PID1: variants seen among roughly 807,000 people sequenced by gnomAD.
The protein encoded by PID1 is PTB-containing, cubilin and LRP1-interacting protein.
A neutral mutation model predicts 19.1 loss-of-function variants in PID1; 10 were observed. That is an observed-to-expected ratio of 0.52 (90% CI 0.32 to 0.89). The LOEUF (loss-of-function observed/expected upper bound fraction) is 0.89, where lower values mean the gene tolerates loss of function less well. Among genes scored for constraint, PID1 ranks in the 40% least tolerant of loss-of-function variants. The pLI, the probability that PID1 is intolerant of heterozygous loss-of-function variation, is 0.03. For synonymous variants in PID1, 130 were observed against 116.0 expected (o/e 1.12, Z -0.78); for missense variants, 248 against 285.3 (o/e 0.87, Z 0.94).
chr2:229,215,128 T>G (rs1196117232), intron 1 of PID1, among the ~76,000 whole-genome samples: 2 of 152,198 alleles, frequency 1.3e-5, no homozygotes, highest in Non-Finnish European at 2.9e-5. Flanking sequence ...CAGCATAGGC[T>G]TTATCCTACT....
chr2:229,159,903 G>A (rs1163143304), intron 1 of PID1, among the ~76,000 whole-genome samples: 1 of 152,066 alleles, frequency 6.6e-6, no homozygotes, highest in Admixed American at 6.5e-5. Flanking sequence ...TGCCAACAGG[G>A]GACAGTGGTC....
chr2:229,240,310 C>A (rs955337053), intron 1 of PID1, among the ~76,000 whole-genome samples: 7 of 147,754 alleles, frequency 4.7e-5, no homozygotes, highest in African/African-American at 1.5e-4. Flanking sequence ...GATTTATGGT[C>A]AAAAAAAAAA....
At chr2:229,131,085 T>C (rs1264648384) in intron 2 of PID1, among the ~76,000 whole-genome samples, 2 of 152,190 alleles carry the variant, frequency 1.3e-5, no homozygotes, top group Non-Finnish European at 2.9e-5. Context: ...TCAGTTACTC[T>C]ATTTCCAAAT....
At chr2:229,035,524 G>A (rs998985235) in intron 2 of PID1, among the ~76,000 whole-genome samples, 2 of 151,744 alleles carry the variant, frequency 1.3e-5, no homozygotes, top group Non-Finnish European at 2.9e-5. Context: ...GTGTGTGTGT[G>A]TGTGTGTGTG....
At chr2:229,222,366 T>G (rs1290417784) in intron 1 of PID1, among the ~76,000 whole-genome samples, 1 of 152,224 alleles carries the variant, frequency 6.6e-6, no homozygotes, top group Non-Finnish European at 1.5e-5. Flanking sequence ...AATCTACATG[T>G]GGACATGTTT....
At chr2:229,134,050 G>A (rs1689803945) in intron 2 of PID1, among the ~76,000 whole-genome samples, 1 of 151,970 alleles carries the variant, frequency 6.6e-6, no homozygotes, top group Non-Finnish European at 1.5e-5. Flanking sequence ...TCCCTAGTGT[G>A]ACAACCAAAA....
intron 1 of PID1, among the ~76,000 whole-genome samples, chr2:229,217,056 C>A (rs957804088): frequency 1.3e-5 from 2 of 152,140 alleles, no homozygotes; most frequent in Non-Finnish European, 2.9e-5. Context: ...GCCCAGAGGT[C>A]CACATTCAAG....
At chr2:229,130,982 G>A (rs943409991) in intron 2 of PID1, among the ~76,000 whole-genome samples, 1 of 152,066 alleles carries the variant, frequency 6.6e-6, no homozygotes, top group Non-Finnish European at 1.5e-5. Flanking sequence ...GCACGCCTGT[G>A]CCCAAATTTC....
At chr2:229,119,864 A>T (rs2106157135) in intron 2 of PID1, among the ~76,000 whole-genome samples, 1 of 152,292 alleles carries the variant, frequency 6.6e-6, no homozygotes, top group Non-Finnish European at 1.5e-5. Context: ...AAAGCAAGAA[A>T]AATGCAGAGG....
chr2:229,222,846 A>G (rs1574735673), intron 1 of PID1, among the ~76,000 whole-genome samples: 1 of 144,432 alleles, frequency 6.9e-6, no homozygotes, highest in East Asian at 2.1e-4. Context: ...CTAATTTTAA[A>G]AAGTCTCTTC....
At position 229,156,005 on chromosome 2, in the gene PID1, T is replaced by C. The variant is rs199828650; in HGVS notation, c.31-41A>G. The stretch of plus-strand genomic sequence containing the variant: ...ATAAGCCACATGTAGTTTAATCACT[T>C]GGACTTTTATGTCCTGCAATTGTAC... On this transcript the variant is annotated intron_variant, in intron 1 of 2. Transcript: ENST00000392055. The C allele has an allele frequency of 1.5e-4, 243 of 1,587,110 alleles. No individual in the cohort carries two copies. In the African/African-American group the frequency reaches 3.1e-3, roughly 20 times the overall value.
intron 1 of PID1, among the ~76,000 whole-genome samples, chr2:229,190,758 T>C (rs1355428814): frequency 6.6e-6 from 1 of 152,180 alleles, no homozygotes; most frequent in Non-Finnish European, 1.5e-5. Flanking sequence ...TTGTTTTTTG[T>C]TTGTTTGTTT....
At chr2:229,064,605 T>G (rs1694281212) in intron 2 of PID1, among the ~76,000 whole-genome samples, 1 of 152,066 alleles carries the variant, frequency 6.6e-6, no homozygotes, top group Non-Finnish European at 1.5e-5. Context: ...AATTATCCAA[T>G]TTTTGATAAA....
At chr2:229,165,712 C>T (rs533192287) in intron 1 of PID1, among the ~76,000 whole-genome samples, 3 of 152,182 alleles carry the variant, frequency 2.0e-5, no homozygotes, top group Admixed American at 1.3e-4. Flanking sequence ...CAGGCAATGA[C>T]CTTAAAACTA....
rs528954339 is a variant in PID1 at position 229,040,218 on chromosome 2, A to G, written c.178-14110T>C. On this transcript the variant is annotated intron_variant, in intron 2 of 2. Coordinates refer to ENST00000392055, the MANE Select transcript of PID1 (RefSeq NM_001100818.2). ...CGGATCACCTGAGGTCAGGAGTTTGAGACCAGCCTGGCCAACATGGTGAAA... is the reference window on the plus strand; with the variant it reads ...CGGATCACCTGAGGTCAGGAGTTTGGGACCAGCCTGGCCAACATGGTGAAA... Among the ~76,000 whole-genome samples, 567 of 152,046 alleles carry G rather than the reference A, an allele frequency of 3.7e-3. 5 individuals are homozygous for G. Among genetic ancestry groups the G allele is most frequent in the African/African-American group, 0.013 (539 of 41,498 alleles).
chr2:229,181,272 A>G (rs1219153314), intron 1 of PID1, among the ~76,000 whole-genome samples: 1 of 152,220 alleles, frequency 6.6e-6, no homozygotes, highest in Non-Finnish European at 1.5e-5. Context: ...GAGGCCCCGA[A>G]GGGAGAAAGA....
intron 2 of PID1, among the ~76,000 whole-genome samples, chr2:229,074,199 C>T (rs1213940651): frequency 2.6e-5 from 4 of 152,070 alleles, no homozygotes; most frequent in East Asian, 3.8e-4. Flanking sequence ...CAATCTGTTC[C>T]GTTAATGATG....
intron 2 of PID1, among the ~76,000 whole-genome samples, chr2:229,047,863 T>G (rs1403070496): frequency 6.6e-6 from 1 of 152,192 alleles, no homozygotes; most frequent in African/African-American, 2.4e-5. Context: ...GAACAAAGGT[T>G]TTTGAATGGC....
intron 2 of PID1, among the ~76,000 whole-genome samples, chr2:229,142,732 T>C (rs2106182326): frequency 6.6e-6 from 1 of 152,286 alleles, no homozygotes; most frequent in African/African-American, 2.4e-5. Flanking sequence ...ATGGGAACAC[T>C]TTTACACTGT....
Sources: gnomAD v4.1 joint callset for allele counts (sites outside exome capture counted in the v4.1 genomes callset) on GRCh38, gnomAD v4.1.1 for gene constraint, MANE v1.5 for transcripts, NCBI Gene and HGNC (gene_info 2026-07-23, HGNC 2026-07-21) for gene names.